MAP4K1: variants seen among roughly 807,000 people sequenced by gnomAD.
MAP4K1 encodes mitogen-activated protein kinase kinase kinase kinase 1, also known as MAPK/ERK kinase kinase kinase 1.
In MAP4K1, 35 loss-of-function variants were observed where a neutral mutation model predicts 122.8. The observed-to-expected ratio is 0.29, with a 90% CI of 0.22 to 0.38. The LOEUF (loss-of-function observed/expected upper bound fraction) is 0.38. Ranked by LOEUF, MAP4K1 falls within the 10% of genes least tolerant of loss-of-function variation. MAP4K1 has a pLI of 1.00. For missense variants in MAP4K1, 791 were observed against 1,072.6 expected (o/e 0.74, Z 3.67); for synonymous variants, 412 against 421.3 (o/e 0.98, Z 0.27).
rs190286624 is a variant in MAP4K1 at position 38,604,980 on chromosome 19, C to G, written c.1446+429G>C. 2.9e-3 allele frequency among the ~76,000 whole-genome samples: 420 copies of G among 144,504 alleles called. 1 individual carries two copies. The highest frequency in any genetic ancestry group is 0.01 in the African/African-American group (397 of 38,914). 94.8% of individuals were successfully genotyped at this position (144,504 alleles called of 152,430 possible). ...GCATTGCCTGTAATCTCAGCTACTC[C>G]GGAGGCTGAGGCAGGAGAATCACTT... On this transcript the variant is annotated intron_variant, in intron 19 of 30. Transcript: ENST00000396857.
rs745506984 is a variant in MAP4K1, at chr19:38,609,995, G to A, written c.841C>T (p.Arg281Ter). ...TCAAGAAGATCCAGGATCAGGCCTC[G>A]ATTCAGCCCAGGCTGGGATACCAGT... ...HQLVSQPGLNRGLILDLLDKL... is the reference protein window; with the variant it reads ...HQLVSQPGLN The change falls in exon 12 of 31, where the codon CGA becomes TGA. Residue 281 changes from arginine (R) to a stop codon, truncating the protein, a stop_gained. Transcript: ENST00000396857. LOFTEE classifies it high-confidence loss of function. The A allele has an allele frequency of 1.2e-6, 2 of 1,614,124 alleles. No homozygotes were observed. The highest frequency in any genetic ancestry group is 1.7e-6 in the Non-Finnish European group (2 of 1,179,992).
At chr19:38,608,824 A>AG (rs1975410804) in intron 13 of MAP4K1, among the ~76,000 whole-genome samples, 1 of 148,778 alleles carries the variant, frequency 6.7e-6, no homozygotes, top group Non-Finnish European at 1.5e-5. Flanking sequence ...AAAAAAAAAA[A>AG]AAAAACATTA....
At chr19:38,602,835 CATATACATATATACACATATACAT>C (rs1266878039) in intron 19 of MAP4K1, among the ~76,000 whole-genome samples, 68 of 147,962 alleles carry the variant, frequency 4.6e-4, no homozygotes, top group African/African-American at 1.6e-3. Flanking sequence ...CATATATACG[CATATACATATATACACATATACAT>C]ATATACACAT....
Position 38,596,007 on chromosome 19 carries a change from TG to T in MAP4K1, c.2117-7del. 1.2e-6 allele frequency: 2 copies of T among 1,613,622 alleles called. No homozygotes were observed. The highest frequency in any genetic ancestry group is 1.7e-6 in the Non-Finnish European group (2 of 1,179,810). Reference sequence around the variant, plus strand: ...CTGCACGGGTCCCCTGTGCTCTGTTTGGGGGGAGTGGGTTAAGGATTGACCC... The same window carrying T: ...CTGCACGGGTCCCCTGTGCTCTGTTTGGGGGAGTGGGTTAAGGATTGACCC... On this transcript the variant is annotated splice_polypyrimidine_tract_variant and splice_region_variant and intron_variant, in intron 26 of 30. Coordinates refer to ENST00000396857, the MANE Select transcript of MAP4K1 (RefSeq NM_001042600.3).
chr19:38,594,380 C>T (rs138307235), intron 29 of MAP4K1, among the ~76,000 whole-genome samples: 9 of 152,316 alleles, frequency 5.9e-5, no homozygotes, highest in South Asian at 4.1e-4. Context: ...TAGCTCACGC[C>T]TGTACTCCCA....
chr19:38,614,597 A>T, intron 4 of MAP4K1, 152 bp from the exon 5 acceptor site: 1 of 764,120 alleles, frequency 1.3e-6, no homozygotes, highest in Non-Finnish European at 2.2e-6. Context: ...TGGGGTGGTC[A>T]GTGACAGAAA....
At chr19:38,593,503 G>C in intron 29 of MAP4K1, 166 bp from the exon 30 acceptor site, 1 of 477,282 alleles carries the variant, frequency 2.1e-6, no homozygotes, top group Non-Finnish European at 3.8e-6. Context: ...AGGAGTTCGA[G>C]ACCAGCCTGG....
intron 25 of MAP4K1, 99 bp downstream of exon 25, chr19:38,596,935 G>C: frequency 8.6e-7 from 1 of 1,160,256 alleles, no homozygotes. Flanking sequence ...GGGCCTCGAC[G>C]GAGGTGGGGC....
chr19:38,617,470 G>A lies in MAP4K1; in HGVS notation c.158-26C>T, dbSNP rs1975682178. 2 of 1,602,132 alleles carry A rather than the reference G, an allele frequency of 1.2e-6. No individual in the cohort carries two copies. The highest frequency in any genetic ancestry group is 3.3e-5 in the Admixed American group (2 of 59,992). Reference sequence around the variant, plus strand: ...CTGTGAGGAGGGCGGGAGAGAAAAGGCAGCTCGCATGGGGAGAGAGCTACA... The same window carrying A: ...CTGTGAGGAGGGCGGGAGAGAAAAGACAGCTCGCATGGGGAGAGAGCTACA... On this transcript the variant is annotated intron_variant, in intron 2 of 30. Transcript: ENST00000396857. This position sits in a 1 kb window ranked among gnomAD's most constrained non-coding sequence, Gnocchi z 4.1.
At chr19:38,602,625 CAT>C (rs576712549) in intron 19 of MAP4K1, among the ~76,000 whole-genome samples, 62 of 143,898 alleles carry the variant, frequency 4.3e-4, no homozygotes, top group East Asian at 1.0e-3. Flanking sequence ...TACACATATA[CAT>C]ATATATACAC....
intron 8 of MAP4K1, 129 bp from the exon 9 acceptor site, chr19:38,612,871 G>A (rs1975539515): frequency 2.0e-6 from 2 of 976,300 alleles, no homozygotes; most frequent in Non-Finnish European, 3.1e-6. Flanking sequence ...AGAGGGACAG[G>A]AGTAAAGACA....
At chr19:38,596,803 T>C (rs1222292484) in intron 25 of MAP4K1, among the ~76,000 whole-genome samples, 5 of 152,074 alleles carry the variant, frequency 3.3e-5, no homozygotes, top group Non-Finnish European at 7.4e-5. Context: ...AGTGGCAGCA[T>C]TGAGCCTGAG....
chr19:38,590,963 AATC>A (rs1426379526), intron 30 of MAP4K1, among the ~76,000 whole-genome samples: 2 of 144,672 alleles, frequency 1.4e-5, no homozygotes, highest in African/African-American at 2.7e-5. Context: ...TTCATTAAAA[AATC>A]ACACACACAC....
chr19:38,605,610 G>A lies in MAP4K1; in HGVS notation c.1321C>T (p.Pro441Ser). 2 of 1,566,070 alleles carry A rather than the reference G, an allele frequency of 1.3e-6. No homozygotes were observed. The highest frequency in any genetic ancestry group is 1.7e-6 in the Non-Finnish European group (2 of 1,156,830). ...TGGGGGCTGCTGGTGGATGGGGGAGGCCCAGGACGGGGGCTGTTTGGTGGG... is the reference window on the plus strand; with the variant it reads ...TGGGGGCTGCTGGTGGATGGGGGAGACCCAGGACGGGGGCTGTTTGGTGGG... ...GPPPNSPRPG[P>S]PPSTSSPHLT... Residue 441 changes from proline to serine, a missense_variant, in exon 18 of 31, where the codon CCT becomes TCT. Physicochemically the swap from Pro to Ser is moderately conservative, Grantham distance 74 (BLOSUM62 -1). Around this residue, in one of 4 missense-constraint regions of MAP4K1, gnomAD observed 303 missense variants for 344.8 expected, o/e 0.88. Coordinates refer to ENST00000396857, the MANE Select transcript of MAP4K1 (RefSeq NM_001042600.3).
At chr19:38,604,658 C>T (rs1227753818) in intron 19 of MAP4K1, among the ~76,000 whole-genome samples, 6 of 151,470 alleles carry the variant, frequency 4.0e-5, no homozygotes, top group Non-Finnish European at 7.4e-5. Context: ...GGCCTGGTGG[C>T]GGGCACCTGT....
chr19:38,613,474 G>A (rs972533716), intron 8 of MAP4K1, among the ~76,000 whole-genome samples: 1 of 151,940 alleles, frequency 6.6e-6, no homozygotes, highest in Admixed American at 6.6e-5. Flanking sequence ...GCAGTGAGCC[G>A]TGACTATGCC....
intron 27 of MAP4K1, 86 bp downstream of exon 27, chr19:38,595,853 G>A (rs1974858532): frequency 5.9e-6 from 9 of 1,533,978 alleles, no homozygotes; most frequent in East Asian, 2.2e-5. Context: ...GGCTCAGGGG[G>A]TTCTGAGAAG....
At chr19:38,599,444 C>T (rs1030294421) in intron 22 of MAP4K1, among the ~76,000 whole-genome samples, 1 of 151,478 alleles carries the variant, frequency 6.6e-6, no homozygotes, top group Non-Finnish European at 1.5e-5. Flanking sequence ...GTTGGATCAC[C>T]TGAGGTCAGG....
At chr19:38,590,387 AAAAAAAAATATATATATATATATAT>A (rs1360536549) in intron 30 of MAP4K1, among the ~76,000 whole-genome samples, 36 of 70,766 alleles carry the variant, frequency 5.1e-4, no homozygotes, top group Middle Eastern at 7.1e-3. Context: ...AAAAAAAAAA[AAAAAAAAATATATATATATATATAT>A]ATATATATAT....
Sources: gnomAD v4.1 joint callset for allele counts (sites outside exome capture counted in the v4.1 genomes callset) on GRCh38, gnomAD v4.1.1 for gene constraint, gnomAD v4.1.1 regional missense constraint, Gnocchi (gnomAD v3.1) non-coding constraint, MANE v1.5 for transcripts, NCBI Gene and HGNC (gene_info 2026-07-23, HGNC 2026-07-21) for gene names.